The following KCNH7 variants were observed in gnomAD, a reference collection of about 807,000 sequenced individuals.
KCNH7 encodes the protein potassium voltage-gated channel subfamily H member 7, also known as voltage-gated inwardly rectifying potassium channel KCNH7.
In KCNH7, 49 loss-of-function variants were observed where a neutral mutation model predicts 120.8. The observed-to-expected ratio is 0.41, with a 90% CI of 0.32 to 0.51. KCNH7 has a LOEUF of 0.51. Ranked by LOEUF, KCNH7 falls within the 20% of genes least tolerant of loss-of-function variation. The pLI, the probability that KCNH7 is intolerant of heterozygous loss-of-function variation, is 0.38. For missense variants in KCNH7, 1,097 were observed against 1,446.6 expected, an observed-to-expected ratio of 0.76 and a Z score of 3.92; for synonymous variants, 547 against 516.1, an observed-to-expected ratio of 1.06 and a Z score of -0.81.
At chr2:162,686,947 G>A (rs943229188) in intron 2 of KCNH7, among the ~76,000 whole-genome samples, 1 of 152,036 alleles carries the variant, frequency 6.6e-6, no homozygotes, top group Non-Finnish European at 1.5e-5. Flanking sequence ...GTTATTTTTA[G>A]AAGAAAGTAT....
intron 2 of KCNH7, among the ~76,000 whole-genome samples, chr2:162,566,500 T>A (rs1693262092): frequency 6.6e-6 from 1 of 152,064 alleles, no homozygotes. Flanking sequence ...TGAGTTGTCT[T>A]GAAAATATGA....
At chr2:162,475,614 C>A (rs1689707775) in intron 6 of KCNH7, among the ~76,000 whole-genome samples, 1 of 152,158 alleles carries the variant, frequency 6.6e-6, no homozygotes, top group South Asian at 2.1e-4. Context: ...ATTATGCCTA[C>A]CTATAGCTGA....
chr2:162,601,125 T>G (rs1303362922), intron 2 of KCNH7, among the ~76,000 whole-genome samples: 1 of 152,044 alleles, frequency 6.6e-6, no homozygotes, highest in Non-Finnish European at 1.5e-5. Flanking sequence ...AGCTGAAGTT[T>G]TGTTCCCCTA....
intron 2 of KCNH7, among the ~76,000 whole-genome samples, chr2:162,554,398 A>G (rs369151244): frequency 6.6e-6 from 1 of 152,062 alleles, no homozygotes; most frequent in South Asian, 2.1e-4. Context: ...AATTTGCCCC[A>G]AAAAATGTTG....
intron 2 of KCNH7, among the ~76,000 whole-genome samples, chr2:162,804,603 C>G (rs753831008): frequency 4.0e-5 from 6 of 151,856 alleles, no homozygotes; most frequent in Non-Finnish European, 8.8e-5. Flanking sequence ...ATAGATGACA[C>G]AAACAAATGG....
chr2:162,772,942 A>G (rs187314692), intron 2 of KCNH7, among the ~76,000 whole-genome samples: 72 of 152,206 alleles, frequency 4.7e-4, no homozygotes, highest in Non-Finnish European at 9.0e-4. Flanking sequence ...AATCCTACAC[A>G]TGGCTAACCT....
intron 6 of KCNH7, 118 bp downstream of exon 6, chr2:162,504,325 G>A (rs972027998): frequency 2.8e-6 from 2 of 718,172 alleles, no homozygotes; most frequent in East Asian, 5.1e-5. Flanking sequence ...ATAAATAGGA[G>A]TACAAAGAAA....
At chr2:162,382,781 C>T (rs187236074) in intron 13 of KCNH7, among the ~76,000 whole-genome samples, 99 of 152,006 alleles carry the variant, frequency 6.5e-4, no homozygotes, top group African/African-American at 2.3e-3. Context: ...TCTTAAAAAT[C>T]ATTAAGGAAT....
intron 2 of KCNH7, among the ~76,000 whole-genome samples, chr2:162,606,723 C>G (rs1353103685): frequency 6.6e-6 from 1 of 151,990 alleles, no homozygotes; most frequent in Non-Finnish European, 1.5e-5. Flanking sequence ...AACTTGGTTC[C>G]AAAGCAAGCA....
intron 2 of KCNH7, among the ~76,000 whole-genome samples, chr2:162,617,107 C>T (rs991193325): frequency 1.3e-5 from 2 of 152,178 alleles, no homozygotes; most frequent in East Asian, 1.9e-4. Context: ...CATTTAACAA[C>T]GTGATTAGAG....
chr2:162,394,115 G>A (rs1006142074), intron 12 of KCNH7, among the ~76,000 whole-genome samples: 3 of 151,854 alleles, frequency 2.0e-5, no homozygotes, highest in Admixed American at 6.6e-5. Flanking sequence ...TGCTCCGAAC[G>A]AATTGACCTG....
chr2:162,426,705 TAATAA>T (rs1687876277), intron 8 of KCNH7, among the ~76,000 whole-genome samples: 1 of 152,180 alleles, frequency 6.6e-6, no homozygotes, highest in Non-Finnish European at 1.5e-5. Context: ...CTCTGTAACT[TAATAA>T]AATAAATTTT....
intron 9 of KCNH7, among the ~76,000 whole-genome samples, chr2:162,416,107 T>C (rs1357847677): frequency 6.6e-6 from 1 of 152,114 alleles, no homozygotes; most frequent in Non-Finnish European, 1.5e-5. Context: ...GAATAGCTCA[T>C]AGGCTGGGCG....
At chr2:162,480,025 T>TA (rs1478776416) in intron 6 of KCNH7, among the ~76,000 whole-genome samples, 10 of 152,166 alleles carry the variant, frequency 6.6e-5, no homozygotes, top group Admixed American at 6.6e-4. Flanking sequence ...CATCATTTCT[T>TA]AAGAGTTTAA....
intron 2 of KCNH7, among the ~76,000 whole-genome samples, chr2:162,610,223 G>C (rs1682920759): frequency 6.6e-6 from 1 of 152,182 alleles, no homozygotes; most frequent in Non-Finnish European, 1.5e-5. Flanking sequence ...TATAACCTGA[G>C]AGGTTATGGA....
chr2:162,461,657 T>C (rs1364597526), intron 6 of KCNH7, among the ~76,000 whole-genome samples: 1 of 152,206 alleles, frequency 6.6e-6, no homozygotes, highest in East Asian at 1.9e-4. Context: ...AAGATAAAAA[T>C]GTTTCATTGT....
intron 2 of KCNH7, among the ~76,000 whole-genome samples, chr2:162,758,418 A>G (rs1007481007): frequency 6.6e-6 from 1 of 152,128 alleles, no homozygotes; most frequent in African/African-American, 2.4e-5. Context: ...AAAGTAACTT[A>G]AAGTTTGTAT....
At chr2:162,685,517 G>A (rs1024519103) in intron 2 of KCNH7, among the ~76,000 whole-genome samples, 5 of 151,896 alleles carry the variant, frequency 3.3e-5, no homozygotes, top group South Asian at 4.2e-4. Flanking sequence ...ACACATGCTC[G>A]GAAGGAAACA....
chr2:162,767,273 A>G, intron 2 of KCNH7, among the ~76,000 whole-genome samples: 1 of 152,172 alleles, frequency 6.6e-6, no homozygotes, highest in South Asian at 2.1e-4. Flanking sequence ...TGGCACATTT[A>G]AAAAAATAAA....
Sources: allele counts gnomAD v4.1 joint callset (sites outside exome capture counted in the v4.1 genomes callset), GRCh38; gene constraint gnomAD v4.1.1; transcripts MANE v1.5; gene names NCBI Gene and HGNC (gene_info 2026-07-23, HGNC 2026-07-21).